Variants in CHCHD6 observed in about 807,000 individuals in gnomAD.
CHCHD6 encodes MICOS complex subunit MIC25.
CHCHD6 carries 28 observed loss-of-function variants against 32.3 expected under a neutral mutation model. The observed-to-expected ratio is 0.87, with a 90% CI of 0.64 to 1.19. The LOEUF (loss-of-function observed/expected upper bound fraction) is 1.19. Ranked by LOEUF, CHCHD6 falls within the 50% of genes most tolerant of loss-of-function variation. The pLI is 0.00. For synonymous variants in CHCHD6, 122 were observed against 117.5 expected (o/e 1.04, Z -0.25); for missense variants, 333 against 307.0 (o/e 1.08, Z -0.63).
At chr3:126,770,256 T>G (rs1937519718) in intron 4 of CHCHD6, among the ~76,000 whole-genome samples, 1 of 152,090 alleles carries the variant, frequency 6.6e-6, no homozygotes, top group Non-Finnish European at 1.5e-5. Context: ...AGACTAGATA[T>G]AAAATCATGT....
At chr3:126,910,616 C>T (rs933259787) in intron 5 of CHCHD6, among the ~76,000 whole-genome samples, 5 of 152,202 alleles carry the variant, frequency 3.3e-5, no homozygotes, top group Non-Finnish European at 7.3e-5. Flanking sequence ...CCTACAGATA[C>T]ACACAAAGTT....
intron 1 of CHCHD6, among the ~76,000 whole-genome samples, chr3:126,723,187 A>G (rs1346136200): frequency 6.6e-6 from 1 of 152,128 alleles, no homozygotes; most frequent in Non-Finnish European, 1.5e-5. Flanking sequence ...ATATGTCATT[A>G]ACTAGTTATT....
intron 6 of CHCHD6, among the ~76,000 whole-genome samples, chr3:126,951,845 G>T (rs897005144): frequency 6.6e-6 from 1 of 152,240 alleles, no homozygotes; most frequent in African/African-American, 2.4e-5. Context: ...GTCCATGGGA[G>T]ACCTAGCAGG....
At chr3:126,768,829 AT>A (rs1005856257) in intron 4 of CHCHD6, among the ~76,000 whole-genome samples, 1 of 152,070 alleles carries the variant, frequency 6.6e-6, no homozygotes, top group Non-Finnish European at 1.5e-5. Flanking sequence ...GATGTTGAGC[AT>A]TTTTTCATAT....
chr3:126,805,625 C>T (rs553616245), intron 4 of CHCHD6, among the ~76,000 whole-genome samples: 1 of 152,246 alleles, frequency 6.6e-6, no homozygotes, highest in Non-Finnish European at 1.5e-5. Flanking sequence ...GGCCATACTG[C>T]CCAAGGTAAT....
chr3:126,863,193 C>T (rs1238577408), intron 5 of CHCHD6, among the ~76,000 whole-genome samples: 1 of 141,254 alleles, frequency 7.1e-6, no homozygotes, highest in African/African-American at 2.7e-5. Flanking sequence ...CCTCCTCCAC[C>T]ATCACCACCT....
chr3:126,856,778 C>T (rs1201223778), intron 5 of CHCHD6, among the ~76,000 whole-genome samples: 1 of 152,184 alleles, frequency 6.6e-6, no homozygotes, highest in Admixed American at 6.5e-5. Flanking sequence ...CCCTTGTCTT[C>T]AGTCAACCAT....
intron 4 of CHCHD6, among the ~76,000 whole-genome samples, chr3:126,830,100 AAAAT>A (rs1171456462): frequency 2.0e-5 from 3 of 152,198 alleles, no homozygotes; most frequent in African/African-American, 7.2e-5. Context: ...TCTGTCTCAA[AAAAT>A]AAATAAATTA....
chr3:126,942,167 G>A (rs757672662), intron 6 of CHCHD6, among the ~76,000 whole-genome samples: 2 of 152,170 alleles, frequency 1.3e-5, no homozygotes, highest in Non-Finnish European at 2.9e-5. Flanking sequence ...TTTGTGAGGT[G>A]CATCCCATCA....
intron 5 of CHCHD6, among the ~76,000 whole-genome samples, chr3:126,876,303 T>C (rs1320357259): frequency 6.6e-6 from 1 of 152,212 alleles, no homozygotes; most frequent in Non-Finnish European, 1.5e-5. Context: ...GTTCAAATGA[T>C]ACAGAAGCAC....
intron 4 of CHCHD6, among the ~76,000 whole-genome samples, chr3:126,812,741 T>C (rs1419792839): frequency 6.6e-6 from 1 of 152,128 alleles, no homozygotes; most frequent in Non-Finnish European, 1.5e-5. Flanking sequence ...CGCATCTCCA[T>C]TCTTGCTTTA....
At chr3:126,752,714 G>A (rs149307070) in intron 4 of CHCHD6, among the ~76,000 whole-genome samples, 57 of 152,282 alleles carry the variant, frequency 3.7e-4, no homozygotes, top group African/African-American at 1.2e-3. Flanking sequence ...TTAGCATCCC[G>A]TTCGTTCTCC....
At chr3:126,886,447 ACTCAGTAG>A (rs1348082558) in intron 5 of CHCHD6, among the ~76,000 whole-genome samples, 1 of 152,116 alleles carries the variant, frequency 6.6e-6, no homozygotes, top group African/African-American at 2.4e-5. Flanking sequence ...GCCGGTTATC[ACTCAGTAG>A]CCATCTGAGT....
chr3:126,790,405 T>C (rs1938467859), intron 4 of CHCHD6, among the ~76,000 whole-genome samples: 1 of 152,226 alleles, frequency 6.6e-6, no homozygotes, highest in Non-Finnish European at 1.5e-5. Flanking sequence ...CTGGGTAAAA[T>C]AGTGCAGAGT....
intron 5 of CHCHD6, among the ~76,000 whole-genome samples, chr3:126,893,591 G>A (rs1039342526): frequency 6.6e-6 from 1 of 152,228 alleles, no homozygotes; most frequent in African/African-American, 2.4e-5. Flanking sequence ...TCAATGCAAT[G>A]ATAGCAGGGC....
At chr3:126,721,147 A>G (rs1169224849) in intron 1 of CHCHD6, among the ~76,000 whole-genome samples, 3 of 152,078 alleles carry the variant, frequency 2.0e-5, no homozygotes, top group Admixed American at 6.5e-5. Context: ...CGAGCCTTTC[A>G]TCCCACCTCC....
intron 4 of CHCHD6, among the ~76,000 whole-genome samples, chr3:126,826,590 T>C (rs755938174): frequency 6.6e-6 from 1 of 152,152 alleles, no homozygotes; most frequent in African/African-American, 2.4e-5. Context: ...ATTGTGTCCT[T>C]GTAATGGCGG....
chr3:126,912,759 T>C lies in CHCHD6; in HGVS notation c.496-1921T>C, dbSNP rs2078109466. On this transcript the variant is annotated intron_variant, in intron 5 of 7. Coordinates refer to ENST00000290913, the MANE Select transcript of CHCHD6 (RefSeq NM_032343.3). Reference sequence around the variant, plus strand: ...CTTCCCCAGGGGCTCACCTTCCACATTTACCTCCCAGTCAGCACTTCTCTG... The same window carrying C: ...CTTCCCCAGGGGCTCACCTTCCACACTTACCTCCCAGTCAGCACTTCTCTG... Among the ~76,000 whole-genome samples the C allele has an allele frequency of 2.6e-5, 4 of 152,176 alleles. No individual in the cohort carries two copies. In the South Asian group the frequency reaches 8.3e-4, roughly 31 times the overall value.
At chr3:126,860,013 A>G (rs368626928) in intron 5 of CHCHD6, among the ~76,000 whole-genome samples, 62 of 151,806 alleles carry the variant, frequency 4.1e-4, no homozygotes, top group African/African-American at 1.5e-3. Flanking sequence ...ACACGTGCTC[A>G]GTGAGGGGTG....
Sources: allele counts gnomAD v4.1 joint callset (sites outside exome capture counted in the v4.1 genomes callset), GRCh38; gene constraint gnomAD v4.1.1; transcripts MANE v1.5; gene names NCBI Gene and HGNC (gene_info 2026-07-23, HGNC 2026-07-21).